The following EXOC6B variants were observed in gnomAD, a reference collection of about 807,000 sequenced individuals.
The protein encoded by EXOC6B is exocyst complex component 6B.
A neutral mutation model predicts 113.5 loss-of-function variants in EXOC6B; 54 were observed. The observed-to-expected ratio is 0.48, with a 90% CI of 0.38 to 0.60. EXOC6B has a LOEUF of 0.60. EXOC6B is among the 20% of genes least tolerant of loss of function. EXOC6B has a pLI of 0.00. For synonymous variants in EXOC6B, 357 were observed against 339.0 expected (o/e 1.05, Z -0.58); for missense variants, 797 against 977.5 (o/e 0.82, Z 2.46).
chr2:72,643,588 G>A (rs1244046286), intron 6 of EXOC6B, among the ~76,000 whole-genome samples: 3 of 133,268 alleles, frequency 2.3e-5, no homozygotes, highest in Non-Finnish European at 3.1e-5. Flanking sequence ...ACAGGAAGGG[G>A]AACATCACAC....
At chr2:72,375,485 TA>T (rs1691300168) in intron 19 of EXOC6B, among the ~76,000 whole-genome samples, 2 of 152,050 alleles carry the variant, frequency 1.3e-5, no homozygotes, top group South Asian at 4.1e-4. Flanking sequence ...GAAAGTAAAT[TA>T]AAAACCTAAA....
intron 6 of EXOC6B, among the ~76,000 whole-genome samples, chr2:72,630,543 T>A (rs1427073610): frequency 6.6e-6 from 1 of 152,194 alleles, no homozygotes; most frequent in Non-Finnish European, 1.5e-5. Flanking sequence ...AAACCATTTC[T>A]ACCCATGATC....
chr2:72,575,406 T>C, intron 7 of EXOC6B, 86 bp downstream of exon 7: 1 of 1,261,642 alleles, frequency 7.9e-7, no homozygotes. Flanking sequence ...ACAAACTACA[T>C]TATATGGATA....
At chr2:72,710,616 C>T (rs78556388) in intron 6 of EXOC6B, among the ~76,000 whole-genome samples, 5,585 of 152,264 alleles carry the variant, frequency 0.037, 320 homozygotes, top group African/African-American at 0.12. Context: ...TGCATAATAT[C>T]TAGCATACAA....
chr2:72,230,578 AC>A (rs1381197391), intron 20 of EXOC6B, among the ~76,000 whole-genome samples: 5 of 152,162 alleles, frequency 3.3e-5, no homozygotes, highest in Non-Finnish European at 5.9e-5. Context: ...TTAACTAACG[AC>A]CTGGTCCATA....
intron 18 of EXOC6B, among the ~76,000 whole-genome samples, chr2:72,423,330 C>T (rs1440928702): frequency 6.6e-6 from 1 of 152,078 alleles, no homozygotes; most frequent in East Asian, 1.9e-4. Context: ...ACACTCACCG[C>T]GAGGGTCCGT....
intron 6 of EXOC6B, among the ~76,000 whole-genome samples, chr2:72,716,946 T>C (rs1231456993): frequency 6.6e-6 from 1 of 152,156 alleles, no homozygotes; most frequent in Non-Finnish European, 1.5e-5. Context: ...CCAATCACAA[T>C]AAAGACTTAT....
intron 20 of EXOC6B, among the ~76,000 whole-genome samples, chr2:72,292,098 G>A (rs574113611): frequency 2.6e-5 from 4 of 151,622 alleles, no homozygotes; most frequent in African/African-American, 9.7e-5. Flanking sequence ...AGATTCCTTG[G>A]CTTAATTTCT....
intron 1 of EXOC6B, among the ~76,000 whole-genome samples, chr2:72,801,734 C>A (rs1397855756): frequency 1.3e-5 from 2 of 152,168 alleles, no homozygotes; most frequent in African/African-American, 4.8e-5. Flanking sequence ...ACCCTCTCTC[C>A]ATTCCATACC....
chr2:72,444,808 T>G (rs1453875054), intron 18 of EXOC6B, among the ~76,000 whole-genome samples: 1 of 152,178 alleles, frequency 6.6e-6, no homozygotes, highest in Non-Finnish European at 1.5e-5. Context: ...GCCCAGCACA[T>G]GAAACCATTT....
chr2:72,806,358 T>C (rs1216542567), intron 1 of EXOC6B, among the ~76,000 whole-genome samples: 6 of 152,198 alleles, frequency 3.9e-5, no homozygotes, highest in Non-Finnish European at 8.8e-5. Context: ...AGATCATGAT[T>C]TCATTCATTT....
intron 7 of EXOC6B, among the ~76,000 whole-genome samples, chr2:72,560,595 T>A (rs1370410297): frequency 6.6e-6 from 1 of 152,066 alleles, no homozygotes; most frequent in Admixed American, 6.6e-5. Context: ...AATTCTAAAA[T>A]TCAACAGCAC....
intron 20 of EXOC6B, among the ~76,000 whole-genome samples, chr2:72,216,349 A>T (rs867104739): frequency 3.3e-5 from 5 of 152,268 alleles, no homozygotes; most frequent in Non-Finnish European, 7.3e-5. Flanking sequence ...TAAAACCACA[A>T]TGATATACCA....
At chr2:72,348,781 G>T (rs1260116919) in intron 19 of EXOC6B, among the ~76,000 whole-genome samples, 2 of 152,046 alleles carry the variant, frequency 1.3e-5, no homozygotes, top group Non-Finnish European at 2.9e-5. Context: ...AAAATATTAG[G>T]ACTAATGTTC....
chr2:72,704,235 C>A (rs1001914204), intron 6 of EXOC6B, among the ~76,000 whole-genome samples: 9 of 150,336 alleles, frequency 6.0e-5, no homozygotes, highest in Admixed American at 4.0e-4. Context: ...CTACTGGGTA[C>A]ATAACGAAAT....
chr2:72,209,466 A>G (rs1236428205), intron 20 of EXOC6B, among the ~76,000 whole-genome samples: 1 of 152,014 alleles, frequency 6.6e-6, no homozygotes, highest in Admixed American at 6.6e-5. Flanking sequence ...GTGAGCCAAG[A>G]TTGTGCCACT....
chr2:72,245,354 A>T (rs1409220230), intron 20 of EXOC6B, among the ~76,000 whole-genome samples: 1 of 152,248 alleles, frequency 6.6e-6, no homozygotes, highest in East Asian at 1.9e-4. Context: ...TGAACTGTAT[A>T]TAGACAAACA....
intron 20 of EXOC6B, among the ~76,000 whole-genome samples, chr2:72,300,023 T>C (rs992185951): frequency 2.0e-5 from 3 of 152,136 alleles, no homozygotes; most frequent in African/African-American, 7.2e-5. Flanking sequence ...GATGAGGCAG[T>C]CTGTCCCTTA....
rs570223695 is a variant in EXOC6B at position 72,301,456 on chromosome 2, G to C, written c.2196+33491C>G. Among the ~76,000 whole-genome samples, 246 of 152,262 alleles carry C rather than the reference G, an allele frequency of 1.6e-3. 2 individuals are homozygous for C. The highest frequency in any genetic ancestry group is 5.8e-3 in the African/African-American group (240 of 41,548). On this transcript the variant is annotated intron_variant, in intron 20 of 21. Transcript: ENST00000272427. ...CTTCTTTGTTCATCTGGTAGAATTT[G>C]GCTGTGAATCCATCTAGTCCTGGGC...
Sources: allele counts gnomAD v4.1 joint callset (sites outside exome capture counted in the v4.1 genomes callset), GRCh38; gene constraint gnomAD v4.1.1; transcripts MANE v1.5; gene names NCBI Gene and HGNC (gene_info 2026-07-23, HGNC 2026-07-21).